The following PLPPR5 variants were observed in gnomAD, a reference collection of about 807,000 sequenced individuals.
PLPPR5 encodes phospholipid phosphatase related 5, also known as phospholipid phosphatase-related protein type 5.
Under a neutral mutation model 33.9 loss-of-function variants are expected in PLPPR5, and 16 were observed. The observed-to-expected ratio is 0.47, with a 90% confidence interval of 0.32 to 0.72. PLPPR5 has a LOEUF of 0.72. PLPPR5 is among the 30% of genes least tolerant of loss of function. PLPPR5 has a pLI of 0.03. For missense variants in PLPPR5, 301 were observed against 406.7 expected, an observed-to-expected ratio of 0.74 and a Z score of 2.23; for synonymous variants, 163 against 150.3, an observed-to-expected ratio of 1.08 and a Z score of -0.62.
chr1:98,931,164 A>G (rs1649950676), intron 3 of PLPPR5, among the ~76,000 whole-genome samples: 1 of 152,164 alleles, frequency 6.6e-6, no homozygotes, highest in African/African-American at 2.4e-5. Flanking sequence ...ATTATTATAA[A>G]AAGAGTTATT....
chr1:98,897,169 A>G (rs1648510440), intron 5 of PLPPR5, among the ~76,000 whole-genome samples: 1 of 152,212 alleles, frequency 6.6e-6, no homozygotes, highest in South Asian at 2.1e-4. Flanking sequence ...TTGTAAGGAA[A>G]ACCTGCACAG....
intron 1 of PLPPR5, among the ~76,000 whole-genome samples, chr1:98,999,677 G>GTC (rs1335139064): frequency 2.0e-5 from 3 of 152,204 alleles, no homozygotes; most frequent in Non-Finnish European, 4.4e-5. Flanking sequence ...GGGAAAAGAG[G>GTC]TCTATGGGAA....
Position 98,953,229 on chromosome 1 carries a change from C to T in PLPPR5, c.462G>A (p.Leu154=), listed in dbSNP as rs768750481. 1.9e-6 allele frequency: 3 copies of T among 1,614,080 alleles called. No homozygotes were observed. The highest frequency in any genetic ancestry group is 2.2e-5 in the South Asian group (2 of 91,078). ...CAAGTGCTGTATAATTGGGCTTACA[C>T]AGGGCAAGGAAATGTGGGGCCAGAT... The part of the protein sequence containing the change: ...TGNLAPHFLA[L]CKPNYTALGC... Residue 154 remains leucine (L), a synonymous_variant, in exon 3 of 6, where the codon CTG becomes CTA. Coordinates refer to ENST00000263177, the MANE Select transcript of PLPPR5 (RefSeq NM_001037317.2).
chr1:98,907,932 T>C (rs56240617), intron 5 of PLPPR5, among the ~76,000 whole-genome samples: 29,787 of 152,108 alleles, frequency 0.2, 3,128 homozygotes, highest in African/African-American at 0.22. Context: ...AAAGGTAACT[T>C]CCCATCCAGG....
At chr1:99,003,022 T>C (rs1652916860) in intron 1 of PLPPR5, among the ~76,000 whole-genome samples, 1 of 142,920 alleles carries the variant, frequency 7.0e-6, no homozygotes, top group East Asian at 2.1e-4. Flanking sequence ...AGGCTGGATT[T>C]GGGGCTTCTA....
intron 1 of PLPPR5, among the ~76,000 whole-genome samples, chr1:98,962,889 T>C (rs755925788): frequency 3.9e-5 from 6 of 152,200 alleles, no homozygotes; most frequent in Non-Finnish European, 8.8e-5. Context: ...CTTGAACTCC[T>C]GGCCTGAAGC....
chr1:98,929,235 G>T (rs1649877958), intron 3 of PLPPR5, among the ~76,000 whole-genome samples: 1 of 152,128 alleles, frequency 6.6e-6, no homozygotes, highest in African/African-American at 2.4e-5. Flanking sequence ...CATAAGAAGT[G>T]TAAGTTTCAT....
intron 4 of PLPPR5, 142 bp downstream of exon 4, chr1:98,921,740 T>G (rs937648739): frequency 1.1e-5 from 7 of 648,428 alleles, no homozygotes; most frequent in Non-Finnish European, 1.7e-5. Context: ...ATGACTTAAA[T>G]GATTTGTTTT....
At chr1:98,974,227 A>T (rs1651766029) in intron 1 of PLPPR5, among the ~76,000 whole-genome samples, 1 of 152,070 alleles carries the variant, frequency 6.6e-6, no homozygotes, top group Non-Finnish European at 1.5e-5. Context: ...GAGGGGACAG[A>T]CTTTCAAGAC....
In PLPPR5 at chr1:98,890,993, G is replaced by T. The variant is rs562827961; in HGVS notation, c.*2079C>A. On this transcript the variant is annotated 3_prime_UTR_variant, in exon 6 of 6. Transcript: ENST00000263177. Reference sequence around the variant, plus strand: ...TTCCTGCTTGGCTGCTTGGAAGTCTGATGTAGAATCAATAGAACTGATAGA... The same window carrying T: ...TTCCTGCTTGGCTGCTTGGAAGTCTTATGTAGAATCAATAGAACTGATAGA... The T allele has an allele frequency of 6.6e-6, 1 of 152,250 alleles. No individual in the cohort carries two copies. Among genetic ancestry groups the T allele is most frequent in the East Asian group, 1.9e-4 (1 of 5,172 alleles). 9.4% of individuals were successfully genotyped at this position (152,250 alleles called of 1,614,324 possible).
intron 1 of PLPPR5, among the ~76,000 whole-genome samples, chr1:98,966,521 G>C (rs1219402834): frequency 6.6e-6 from 1 of 152,128 alleles, no homozygotes; most frequent in Admixed American, 6.6e-5. Context: ...AGAAAATAAA[G>C]AATAAAGTAA....
At chr1:98,985,041 G>A (rs1227964919) in intron 1 of PLPPR5, among the ~76,000 whole-genome samples, 1 of 151,962 alleles carries the variant, frequency 6.6e-6, no homozygotes, top group African/African-American at 2.4e-5. Flanking sequence ...AAAGCTCATT[G>A]GTCTCAACAA....
chr1:98,954,802 C>T lies in PLPPR5; in HGVS notation c.371-1482G>A, dbSNP rs1650941387. Among the ~76,000 whole-genome samples the T allele has an allele frequency of 2.0e-5, 3 of 152,054 alleles. No homozygotes were observed. In the South Asian group the frequency reaches 6.2e-4, roughly 31 times the overall value. ...AGAACTGAGCTCAATAAAACTTCTTCCAAAATCTCCTGGCCAAGCATGGGA... is the reference window on the plus strand; with the variant it reads ...AGAACTGAGCTCAATAAAACTTCTTTCAAAATCTCCTGGCCAAGCATGGGA... On this transcript the variant is annotated intron_variant, in intron 2 of 5. Coordinates refer to ENST00000263177, the MANE Select transcript of PLPPR5 (RefSeq NM_001037317.2).
chr1:98,933,176 G>T (rs1271682838), intron 3 of PLPPR5, among the ~76,000 whole-genome samples: 5 of 151,150 alleles, frequency 3.3e-5, no homozygotes, highest in African/African-American at 1.2e-4. Context: ...GTCTTGCCTT[G>T]CATAGAGAGG....
chr1:98,907,526 G>A (rs530986998), intron 5 of PLPPR5, among the ~76,000 whole-genome samples: 8 of 152,112 alleles, frequency 5.3e-5, no homozygotes, highest in East Asian at 1.9e-4. Context: ...TTTTCTTAAT[G>A]CTCTATTAAA....
At chr1:99,003,524 C>T (rs1380187386) in intron 1 of PLPPR5, among the ~76,000 whole-genome samples, 1 of 152,072 alleles carries the variant, frequency 6.6e-6, no homozygotes, top group Non-Finnish European at 1.5e-5. Flanking sequence ...TCTAAAGAAA[C>T]ACCAACAATT....
intron 3 of PLPPR5, among the ~76,000 whole-genome samples, chr1:98,946,927 G>A (rs891821978): frequency 6.6e-6 from 1 of 152,024 alleles, no homozygotes; most frequent in Non-Finnish European, 1.5e-5. Context: ...AACTACACTT[G>A]TAAAATATCA....
In PLPPR5 at chr1:98,890,301, G is replaced by T. The variant is rs1330026899; in HGVS notation, c.*2771C>A. 3.9e-5 allele frequency: 6 copies of T among 152,458 alleles called. No individual in the cohort carries two copies. The highest frequency in any genetic ancestry group is 7.4e-5 in the Non-Finnish European group (5 of 68,004). 9.4% of individuals were successfully genotyped at this position (152,458 alleles called of 1,614,324 possible). A position where few individuals can be genotyped will look rare whatever the true frequency, so the allele number is the denominator to read the frequency against. ...TTTGAAAAATACAATACACAGCAGA[G>T]AATTATTTCCTCCCCTACTGTTCTT... On this transcript the variant is annotated 3_prime_UTR_variant, in exon 6 of 6. Transcript: ENST00000263177.
chr1:98,893,135 G>A (rs1648344726), intron 5 of PLPPR5, 31 bp from the exon 6 acceptor site: 1 of 1,604,636 alleles, frequency 6.2e-7, no homozygotes, highest in East Asian at 2.2e-5. Context: ...GACAAAGTGA[G>A]AGGCTTGGGA....
Sources: allele counts gnomAD v4.1 joint callset (sites outside exome capture counted in the v4.1 genomes callset), GRCh38; gene constraint gnomAD v4.1.1; transcripts MANE v1.5; gene names NCBI Gene and HGNC (gene_info 2026-07-23, HGNC 2026-07-21).